PTGER3: variants seen among roughly 807,000 people sequenced by gnomAD.
PTGER3 encodes prostaglandin E2 receptor EP3 subtype.
In PTGER3, 22 loss-of-function variants were observed where a neutral mutation model predicts 34.7. That is an observed-to-expected ratio of 0.63 (90% confidence interval 0.45 to 0.91). The LOEUF is 0.91. Ranked by LOEUF, PTGER3 falls within the 40% of genes least tolerant of loss-of-function variation. The pLI is 0.00. For synonymous variants in PTGER3, 241 were observed against 230.1 expected, an observed-to-expected ratio of 1.05 and a Z score of -0.43; for missense variants, 468 against 519.4, an observed-to-expected ratio of 0.90 and a Z score of 0.96.
At chr1:71,045,360 T>C (rs1660671908) in intron 1 of PTGER3, among the ~76,000 whole-genome samples, 1 of 152,232 alleles carries the variant, frequency 6.6e-6, no homozygotes, top group Admixed American at 6.5e-5. Context: ...TAATATATTT[T>C]ACCATAATTA....
chr1:70,900,737 C>T (rs1646818527), intron 4 of PTGER3, among the ~76,000 whole-genome samples: 1 of 152,122 alleles, frequency 6.6e-6, no homozygotes, highest in Admixed American at 6.6e-5. Flanking sequence ...GCACAGCCTT[C>T]TGTAGAGCAC....
chr1:70,923,470 G>A (rs1647751529), intron 4 of PTGER3, among the ~76,000 whole-genome samples: 1 of 152,092 alleles, frequency 6.6e-6, no homozygotes, highest in Non-Finnish European at 1.5e-5. Flanking sequence ...ATAGTCAACT[G>A]TACAATTCTA....
intron 1 of PTGER3, among the ~76,000 whole-genome samples, chr1:71,030,549 T>C (rs564460285): frequency 6.6e-6 from 1 of 152,342 alleles, no homozygotes; most frequent in East Asian, 1.9e-4. Context: ...AGTAAAACTT[T>C]ATCACTGGAT....
At chr1:70,932,069 T>C (rs1648756528) in intron 4 of PTGER3, among the ~76,000 whole-genome samples, 1 of 152,186 alleles carries the variant, frequency 6.6e-6, no homozygotes, top group Non-Finnish European at 1.5e-5. Context: ...TTCCACCAGA[T>C]ACCTTTAATC....
chr1:70,911,945 C>T (rs1272029066), intron 4 of PTGER3, among the ~76,000 whole-genome samples: 1 of 152,004 alleles, frequency 6.6e-6, no homozygotes, highest in Non-Finnish European at 1.5e-5. Context: ...TTTGTACTTT[C>T]GTGATCCCAA....
At chr1:70,894,062 C>T (rs1488007957) in intron 4 of PTGER3, among the ~76,000 whole-genome samples, 1 of 152,106 alleles carries the variant, frequency 6.6e-6, no homozygotes, top group South Asian at 2.1e-4. Context: ...AATCCCAGCT[C>T]TTTGGGAGGC....
intron 2 of PTGER3, among the ~76,000 whole-genome samples, chr1:70,977,702 A>C (rs989230508): frequency 1.3e-5 from 2 of 151,888 alleles, no homozygotes; most frequent in African/African-American, 2.4e-5. Context: ...TCCCTCTTCC[A>C]ACTTCCTGAC....
chr1:70,974,134 AAAC>A (rs1653429041), intron 3 of PTGER3, among the ~76,000 whole-genome samples, 160 bp downstream of exon 3: 1 of 152,230 alleles, frequency 6.6e-6, no homozygotes, highest in Non-Finnish European at 1.5e-5. Context: ...GTAAAGTTAA[AAAC>A]AACAACTCCT....
At position 70,938,447 on chromosome 1, in the gene PTGER3, TA is replaced by T. The variant is rs895134487; in HGVS notation, c.*23+15315del. On this transcript the variant is annotated intron_variant, in intron 4 of 4. Transcript: ENST00000370931. ...AATACTCAATGATAATGCTGTGTCTTAAAAAAAAACATTTTCCATTTTCATT... is the reference window on the plus strand; with the variant it reads ...AATACTCAATGATAATGCTGTGTCTTAAAAAAAACATTTTCCATTTTCATT... 9.0e-4 allele frequency among the ~76,000 whole-genome samples: 137 copies of T among 151,392 alleles called. 1 individual carries two copies. The highest frequency in any genetic ancestry group is 8.7e-3 in the East Asian group (45 of 5,158).
chr1:70,935,137 C>G (rs950935129), intron 4 of PTGER3, among the ~76,000 whole-genome samples: 3 of 152,006 alleles, frequency 2.0e-5, no homozygotes, highest in East Asian at 3.9e-4. Context: ...GGATTTGAGG[C>G]AAAGAATCAA....
rs1265474322 is a variant in PTGER3, at chr1:70,986,076, G to A, written c.1078-11688C>T. Among the ~76,000 whole-genome samples the A allele has an allele frequency of 2.6e-5, 4 of 152,126 alleles. No homozygotes were observed. The East Asian group carries it at 5.8e-4, about 22-fold the overall frequency. Reference sequence around the variant, plus strand: ...CACCAAAACCAAGATGGCGACAAGAGTGATCTCAGGTCATCCTCACTGCTA... The same window carrying A: ...CACCAAAACCAAGATGGCGACAAGAATGATCTCAGGTCATCCTCACTGCTA... On this transcript the variant is annotated intron_variant, in intron 2 of 3. Transcript: ENST00000306666.
chr1:70,886,141 A>G (rs920681927), intron 4 of PTGER3: 1 of 265,108 alleles, frequency 3.8e-6, no homozygotes, highest in African/African-American at 2.3e-5. Flanking sequence ...TGGGTCATGA[A>G]GGTGAGACCC....
chr1:70,912,018 A>G (rs1647072257), intron 4 of PTGER3, among the ~76,000 whole-genome samples: 1 of 152,186 alleles, frequency 6.6e-6, no homozygotes, highest in Non-Finnish European at 1.5e-5. Flanking sequence ...AATGACATCA[A>G]AAATTACTCT....
chr1:70,917,441 G>GTGTGTGTA (rs376536515), intron 4 of PTGER3, among the ~76,000 whole-genome samples: 2,797 of 137,368 alleles, frequency 0.02, 112 homozygotes, highest in African/African-American at 0.079. Flanking sequence ...GTGTGTGTGT[G>GTGTGTGTA]TATACAATCA....
chr1:70,975,786 A>C lies in PTGER3; in HGVS notation c.1078-1398T>G, dbSNP rs1431092924. On this transcript the variant is annotated intron_variant, in intron 2 of 3. Transcript: ENST00000306666. Reference sequence around the variant, plus strand: ...TGCACAGAAATTTTATGGTTCTGGAAGAGTGGTCAGACTTGGAGGAGAAAG... The same window carrying C: ...TGCACAGAAATTTTATGGTTCTGGACGAGTGGTCAGACTTGGAGGAGAAAG... Among the ~76,000 whole-genome samples the C allele has an allele frequency of 2.0e-5, 3 of 152,332 alleles. No individual in the cohort carries two copies. In the East Asian group the frequency reaches 5.8e-4, roughly 29 times the overall value.
intron 2 of PTGER3, among the ~76,000 whole-genome samples, chr1:71,003,899 C>T (rs951029499): frequency 2.0e-5 from 3 of 152,146 alleles, no homozygotes; most frequent in Non-Finnish European, 2.9e-5. Context: ...AGATAGACTT[C>T]GGCAGGTCTG....
chr1:71,042,579 A>C (rs1409623452), intron 1 of PTGER3, among the ~76,000 whole-genome samples: 5 of 152,122 alleles, frequency 3.3e-5, no homozygotes. Flanking sequence ...ATGTGGATTC[A>C]TATGTTTAAT....
At position 71,010,814 on chromosome 1, in the gene PTGER3, C is replaced by T. The variant is rs951162563; in HGVS notation, c.1077+1491G>A. 9.1e-6 allele frequency: 9 copies of T among 984,774 alleles called. No individual in the cohort carries two copies. In the African/African-American group the frequency reaches 1.6e-4, roughly 17 times the overall value. The allele number at this position is 984,774 out of a possible 1,614,324, so 61.0% of individuals were successfully genotyped here. A position where few individuals can be genotyped will look rare whatever the true frequency, so the allele number is the denominator to read the frequency against. On this transcript the variant is annotated intron_variant, in intron 2 of 3. Transcript: ENST00000306666. ...ACATGGTCATTTAAAATAATTAGCC[C>T]CAATTGACATAGGCTGGTGTATATA...
chr1:70,988,322 G>A (rs140415397), intron 2 of PTGER3, among the ~76,000 whole-genome samples: 85 of 152,228 alleles, frequency 5.6e-4, no homozygotes, highest in Non-Finnish European at 9.1e-4. Context: ...GACTATGGCA[G>A]AGCCTTCCAA....
Sources: allele counts gnomAD v4.1 joint callset (sites outside exome capture counted in the v4.1 genomes callset), GRCh38; gene constraint gnomAD v4.1.1; transcripts MANE v1.5; gene names NCBI Gene and HGNC (gene_info 2026-07-23, HGNC 2026-07-21).